TAFA2: variants seen among roughly 807,000 people sequenced by gnomAD.
TAFA2 encodes the protein TAFA chemokine like family member 2.
Under a neutral mutation model 18.8 loss-of-function variants are expected in TAFA2, and 7 were observed. That is an observed-to-expected ratio of 0.37 (90% CI 0.21 to 0.70). TAFA2 has a LOEUF of 0.70. TAFA2 is among the 30% of genes least tolerant of loss of function. TAFA2 has a pLI of 0.53. For synonymous variants in TAFA2, 60 were observed against 54.2 expected (o/e 1.11, Z -0.47); for missense variants, 122 against 158.1 (o/e 0.77, Z 1.23).
chr12:62,198,055 C>T (rs541943253), intron 1 of TAFA2, among the ~76,000 whole-genome samples: 6 of 152,230 alleles, frequency 3.9e-5, no homozygotes, highest in African/African-American at 1.4e-4. Context: ...ATTTTGTATT[C>T]CCATCTGCTG....
At chr12:62,234,585 T>A in intron 1 of TAFA2, 1 of 826,284 alleles carries the variant, frequency 1.2e-6, no homozygotes, top group Middle Eastern at 2.2e-4. Flanking sequence ...AGAAAGACCA[T>A]AAACACCTTT....
chr12:61,985,011 C>A (rs1879765208), intron 1 of TAFA2, among the ~76,000 whole-genome samples: 1 of 152,076 alleles, frequency 6.6e-6, no homozygotes, highest in Non-Finnish European at 1.5e-5. Context: ...TAAATACTGT[C>A]CTAGAATTTA....
chr12:62,115,831 C>T (rs1471153407), intron 1 of TAFA2, among the ~76,000 whole-genome samples: 6 of 152,152 alleles, frequency 3.9e-5, no homozygotes, highest in East Asian at 1.9e-4. Context: ...GGTGATTACA[C>T]GGTGTTCCTC....
intron 1 of TAFA2, among the ~76,000 whole-genome samples, chr12:62,017,152 G>A (rs1353015224): frequency 1.3e-5 from 2 of 152,040 alleles, no homozygotes; most frequent in African/African-American, 4.8e-5. Context: ...ATCTCCCTGA[G>A]CCTCAGTTTC....
intron 4 of TAFA2, among the ~76,000 whole-genome samples, chr12:61,728,631 G>A (rs1410351538): frequency 1.4e-5 from 2 of 142,348 alleles, no homozygotes; most frequent in African/African-American, 5.0e-5. Context: ...TATGTGTTAG[G>A]TGAGTCTCTT....
intron 1 of TAFA2, among the ~76,000 whole-genome samples, chr12:62,144,459 C>CAA (rs112940019): frequency 1.5e-4 from 21 of 144,802 alleles, no homozygotes; most frequent in East Asian, 8.0e-4. Flanking sequence ...CTCCCTCCAC[C>CAA]AAAAAAAAAA....
chr12:61,950,848 C>CA (rs1878440904), intron 1 of TAFA2, among the ~76,000 whole-genome samples: 1 of 151,888 alleles, frequency 6.6e-6, no homozygotes, highest in Non-Finnish European at 1.5e-5. Context: ...GATCTAAAAG[C>CA]AAAAAATAAA....
At chr12:61,729,800 T>C (rs1016931272) in intron 4 of TAFA2, among the ~76,000 whole-genome samples, 2 of 152,104 alleles carry the variant, frequency 1.3e-5, no homozygotes, top group African/African-American at 4.8e-5. Flanking sequence ...TGGAACCTTA[T>C]TTTGTCATAT....
chr12:61,727,182 T>C (rs915552328), intron 4 of TAFA2, among the ~76,000 whole-genome samples: 4 of 151,932 alleles, frequency 2.6e-5, no homozygotes, highest in African/African-American at 9.7e-5. Context: ...TATTGAACTG[T>C]AGTTTTCTTT....
chr12:61,916,111 T>C (rs1287870593), intron 1 of TAFA2, among the ~76,000 whole-genome samples: 1 of 152,230 alleles, frequency 6.6e-6, no homozygotes, highest in African/African-American at 2.4e-5. Flanking sequence ...CATGAAGCCC[T>C]TTGTCACTGA....
At chr12:62,107,324 GA>G (rs1286663195) in intron 1 of TAFA2, among the ~76,000 whole-genome samples, 1 of 151,608 alleles carries the variant, frequency 6.6e-6, no homozygotes, top group Non-Finnish European at 1.5e-5. Flanking sequence ...TGCCAGAAGA[GA>G]AAAAAGGAAA....
At chr12:62,073,379 T>A (rs1231162881) in intron 1 of TAFA2, among the ~76,000 whole-genome samples, 2 of 151,824 alleles carry the variant, frequency 1.3e-5, no homozygotes, top group African/African-American at 4.8e-5. Flanking sequence ...ATATTATAGA[T>A]AAGAAAACAC....
At chr12:61,789,948 T>C (rs1167026996) in intron 2 of TAFA2, among the ~76,000 whole-genome samples, 1 of 151,734 alleles carries the variant, frequency 6.6e-6, no homozygotes, top group Admixed American at 6.6e-5. Context: ...TGAGTGAACA[T>C]AGATGCAAAA....
chr12:62,260,017 T>G, upstream of TAFA2: 1 of 231,390 alleles, frequency 4.3e-6, no homozygotes, highest in Non-Finnish European at 8.8e-6. Context: ...TACCTCACCC[T>G]CAAGCGTGAG....
At chr12:62,197,087 G>C (rs2062652043), upstream of TAFA2, among the ~76,000 whole-genome samples, 1 of 152,172 alleles carries the variant, frequency 6.6e-6, no homozygotes, top group South Asian at 2.1e-4. Flanking sequence ...AACTGCACAT[G>C]CAAGGGATCC....
chr12:61,972,882 A>G (rs970321707), intron 1 of TAFA2, among the ~76,000 whole-genome samples: 9 of 151,574 alleles, frequency 5.9e-5, no homozygotes, highest in Non-Finnish European at 1.0e-4. Flanking sequence ...CCATGATTAG[A>G]AAGCAGGTCA....
intron 2 of TAFA2, among the ~76,000 whole-genome samples, chr12:61,816,884 C>CT (rs139252845): frequency 0.019 from 2,894 of 151,158 alleles, 222 homozygotes; most frequent in African/African-American, 0.068. Flanking sequence ...TATTGTCTAA[C>CT]TTTTTTTGTA....
chr12:62,102,454 C>G (rs1308950453), intron 1 of TAFA2, among the ~76,000 whole-genome samples: 1 of 152,126 alleles, frequency 6.6e-6, no homozygotes, highest in African/African-American at 2.4e-5. Flanking sequence ...TTAGATTACT[C>G]CCCCCAGTGT....
chr12:61,719,969 A>G (rs1379366239), intron 4 of TAFA2, among the ~76,000 whole-genome samples: 1 of 152,126 alleles, frequency 6.6e-6, no homozygotes, highest in Admixed American at 6.6e-5. Context: ...TAAATTTCAA[A>G]CTAAAATCCA....
Sources: gnomAD v4.1 joint callset for allele counts (sites outside exome capture counted in the v4.1 genomes callset) on GRCh38, gnomAD v4.1.1 for gene constraint, MANE v1.5 for transcripts, NCBI Gene and HGNC (gene_info 2026-07-23, HGNC 2026-07-21) for gene names.